STS: variants seen among roughly 807,000 people sequenced by gnomAD.
STS encodes steroid sulfatase, also known as steryl-sulfatase.
In STS, 7 loss-of-function variants were observed where a neutral mutation model predicts 26.8. The ratio of observed to expected loss-of-function variants is 0.26; its 90% CI spans 0.15 to 0.49. The LOEUF is 0.49. STS is among the 20% of genes least tolerant of loss of function. The pLI, the probability that STS is intolerant of heterozygous loss-of-function variation, is 0.98. For synonymous variants in STS, 199 were observed against 189.4 expected (o/e 1.05, Z -0.42); for missense variants, 434 against 465.6 (o/e 0.93, Z 0.63).
chrX:7,260,228 T>C (rs893768688), intron 6 of STS, among the ~76,000 whole-genome samples: 1 of 112,261 alleles, frequency 8.9e-6, no homozygotes, highest in Non-Finnish European at 1.9e-5. Flanking sequence ...GCCTAACACA[T>C]TTCTTCAGCC....
In STS at chrX:7,350,318, C is replaced by T. The variant is rs1240157905; in HGVS notation, c.*57C>T. ...CAAAGCTCACCATCTTCACTACAAA[C>T]ACGCCTGAGAGTGGCACTGGGGAAA... is the stretch of plus-strand genomic sequence containing the variant. On this transcript the variant is annotated 3_prime_UTR_variant, in exon 11 of 11. Transcript: ENST00000674429. 4.3e-6 allele frequency: 5 copies of T among 1,168,275 alleles called. No homozygotes were observed. In the African/African-American group the frequency reaches 5.3e-5, roughly 12 times the overall value.
chrX:7,312,795 G>A (rs771114917), intron 8 of STS, among the ~76,000 whole-genome samples: 1 of 111,892 alleles, frequency 8.9e-6, no homozygotes, highest in East Asian at 2.8e-4. Context: ...AAATTACCTA[G>A]TCTCAGATAT....
At chrX:7,174,201 G>C (rs528447809) in intron 1 of STS, among the ~76,000 whole-genome samples, 1 of 111,770 alleles carries the variant, frequency 8.9e-6, no homozygotes, top group African/African-American at 3.2e-5. Context: ...CCTAGACTTT[G>C]AAAGAGAATA....
chrX:7,331,249 T>C lies in STS; in HGVS notation c.1242-2737T>C, dbSNP rs757868933. 1.3e-4 allele frequency among the ~76,000 whole-genome samples: 15 copies of C among 111,457 alleles called. No homozygotes were observed. The South Asian group carries it at 5.7e-3, about 43-fold the overall frequency. ...TTCCAGAACATGCCCTTTTTAATTA[T>C]GTAAAAATTGTCTGTATGGTATTTA... On this transcript the variant is annotated intron_variant, in intron 9 of 10. Transcript: ENST00000674429.
intron 6 of STS, among the ~76,000 whole-genome samples, chrX:7,263,827 ATATGTG>A (rs1275490863): frequency 1.1e-5 from 1 of 89,269 alleles, no homozygotes; most frequent in African/African-American, 3.8e-5. Flanking sequence ...TTGTGTATAT[ATATGTG>A]TGTGTGTGCT....
At chrX:7,211,349 T>TA (rs1921024749) in intron 2 of STS, among the ~76,000 whole-genome samples, 2 of 111,459 alleles carry the variant, frequency 1.8e-5, no homozygotes, top group African/African-American at 3.3e-5. Flanking sequence ...CTCCCGGTGC[T>TA]ATTCCAAATT....
intron 1 of STS, among the ~76,000 whole-genome samples, chrX:7,149,706 T>C (rs185566330): frequency 4.9e-4 from 55 of 111,909 alleles, no homozygotes; most frequent in Admixed American, 4.7e-3. Flanking sequence ...AAGTCCTAGA[T>C]CAAGATGTCA....
chrX:7,212,380 A>G (rs1601656652), intron 2 of STS, among the ~76,000 whole-genome samples: 1 of 111,485 alleles, frequency 9.0e-6, no homozygotes, highest in Non-Finnish European at 1.9e-5. Flanking sequence ...ACTGAGGCAC[A>G]AGAATTGCTT....
chrX:7,204,399 T>G (rs1199313120), intron 2 of STS, among the ~76,000 whole-genome samples: 1 of 111,462 alleles, frequency 9.0e-6, no homozygotes, highest in Admixed American at 9.5e-5. Context: ...ACAATTGTTT[T>G]CTCATTCATC....
chrX:7,309,848 C>A (rs1926398426), intron 8 of STS, among the ~76,000 whole-genome samples: 1 of 111,258 alleles, frequency 9.0e-6, no homozygotes, highest in Admixed American at 9.6e-5. Context: ...TTGTCTTTGT[C>A]AAAATGTTCT....
chrX:7,172,792 T>C (rs1377224749), intron 1 of STS, among the ~76,000 whole-genome samples: 1 of 111,845 alleles, frequency 8.9e-6, no homozygotes, highest in Non-Finnish European at 1.9e-5. Context: ...AATGAGTTCT[T>C]ACCTACAAAT....
intron 7 of STS, among the ~76,000 whole-genome samples, chrX:7,292,378 A>G (rs1196432331): frequency 1.8e-5 from 2 of 112,364 alleles, no homozygotes; most frequent in African/African-American, 6.5e-5. Context: ...CAGTCTATTC[A>G]GTTTGGGAGA....
intron 1 of STS, among the ~76,000 whole-genome samples, chrX:7,165,590 G>C (rs1313188885): frequency 1.1e-4 from 12 of 111,682 alleles, no homozygotes; most frequent in Admixed American, 1.0e-3. Flanking sequence ...AGGTTGCCAT[G>C]AGCTGTGATC....
intron 10 of STS, among the ~76,000 whole-genome samples, chrX:7,344,054 C>G (rs1487205677): frequency 1.8e-5 from 2 of 112,199 alleles, no homozygotes; most frequent in Non-Finnish European, 3.8e-5. Flanking sequence ...TTGTCTGTCT[C>G]AGTCCAGCTT....
chrX:7,282,487 C>T (rs1416455780), intron 7 of STS, among the ~76,000 whole-genome samples: 2 of 112,219 alleles, frequency 1.8e-5, no homozygotes, highest in African/African-American at 6.5e-5. Context: ...AGGCGTGAGC[C>T]TCCATGCTTG....
intron 2 of STS, among the ~76,000 whole-genome samples, chrX:7,192,563 C>CAA (rs58572921): frequency 0.02 from 1,750 of 89,365 alleles, 42 homozygotes; most frequent in African/African-American, 0.062. Context: ...GACTCCATCT[C>CAA]AAAAAAAAAA....
At chrX:7,333,296 T>C (rs1306708281) in intron 9 of STS, among the ~76,000 whole-genome samples, 1 of 112,529 alleles carries the variant, frequency 8.9e-6, no homozygotes, top group African/African-American at 3.2e-5. Context: ...ACCTTATTCC[T>C]TTCTTCAAAC....
intron 10 of STS, among the ~76,000 whole-genome samples, chrX:7,340,585 G>A (rs1928237959): frequency 8.9e-6 from 1 of 112,076 alleles, no homozygotes; most frequent in Admixed American, 9.5e-5. Context: ...CCGACAGTTT[G>A]TCAAGAACAT....
chrX:7,232,868 C>G (rs895210060), intron 2 of STS, among the ~76,000 whole-genome samples: 3 of 111,144 alleles, frequency 2.7e-5, no homozygotes, highest in African/African-American at 9.8e-5. Context: ...CTGTTCTCAT[C>G]GTAGTGACTG....
Sources: allele counts gnomAD v4.1 joint callset (sites outside exome capture counted in the v4.1 genomes callset), GRCh38; gene constraint gnomAD v4.1.1; transcripts MANE v1.5; gene names NCBI Gene and HGNC (gene_info 2026-07-23, HGNC 2026-07-21).